Variants in DYNC1LI2 observed in about 807,000 individuals in gnomAD.
The protein encoded by DYNC1LI2 is dynein cytoplasmic 1 light intermediate chain 2.
DYNC1LI2 carries 19 observed loss-of-function variants against 57.8 expected under a neutral mutation model. That is an observed-to-expected ratio of 0.33 (90% CI 0.23 to 0.48). The LOEUF is 0.48. Ranked by LOEUF, DYNC1LI2 falls within the 20% of genes least tolerant of loss-of-function variation. DYNC1LI2 has a pLI of 0.99. For missense variants in DYNC1LI2, 470 were observed against 604.2 expected (o/e 0.78, Z 2.33); for synonymous variants, 256 against 233.4 (o/e 1.10, Z -0.88).
rs759894387 is a variant in DYNC1LI2, at chr16:66,736,096, C to T, written c.678G>A (p.Pro226=). ...ACACCTTTGTGCACACCACCAACAC[C>T]GGGATCCCCAGGTTATGAGTCAGCA... ...DNVLTHNLGI[P]VLVVCTKCDA... The change falls in exon 5 of 13, where the codon CCG becomes CCA. Residue 226 remains proline, a synonymous_variant. Coordinates refer to ENST00000258198, the MANE Select transcript of DYNC1LI2 (RefSeq NM_006141.3). 9.3e-6 allele frequency: 15 copies of T among 1,613,958 alleles called. No homozygotes were observed. The African/African-American group carries it at 1.2e-4, about 13-fold the overall frequency.
At position 66,729,182 on chromosome 16, in the gene DYNC1LI2, G is replaced by C; in HGVS notation, c.1042-83C>G. The C allele has an allele frequency of 2.0e-6, 3 of 1,486,824 alleles. No individual in the cohort carries two copies. In the South Asian group the frequency reaches 3.4e-5, roughly 17 times the overall value. The allele number at this position is 1,486,824 out of a possible 1,614,324, so 92.1% of individuals were successfully genotyped here. On this transcript the variant is annotated intron_variant, in intron 8 of 12. Transcript: ENST00000258198. ...AAACTTCATGCCGAAAGGAGAGTCC[G>C]AGGCTCAGGCTTCAACACAGGTCTG...
At chr16:66,750,167 C>T (rs2018016744) in intron 2 of DYNC1LI2, among the ~76,000 whole-genome samples, 1 of 152,190 alleles carries the variant, frequency 6.6e-6, no homozygotes, top group Non-Finnish European at 1.5e-5. Context: ...TGTCCCTCTG[C>T]AGGCAGCGTT....
chr16:66,724,539 A>C (rs2017502952), intron 12 of DYNC1LI2: 1 of 152,188 alleles, frequency 6.6e-6, no homozygotes. Flanking sequence ...CCTTATAGCC[A>C]ATGGAAAATG....
rs544624180 is a variant in DYNC1LI2, at chr16:66,751,605, G to C, written c.-14C>G. 3 of 1,567,428 alleles carry C rather than the reference G, an allele frequency of 1.9e-6. No homozygotes were observed. In the African/African-American group the frequency reaches 4.3e-5, roughly 22 times the overall value. On this transcript the variant is annotated 5_prime_UTR_variant, in exon 1 of 13. Coordinates refer to ENST00000258198, the MANE Select transcript of DYNC1LI2 (RefSeq NM_006141.3). This position sits in a 1 kb window ranked among gnomAD's most constrained non-coding sequence, Gnocchi z 5.2. ...CACCGGCGCCATCTTGCCAACTGCA[G>C]CCACAAAGAGGGCCCTCCCCCGGGC...
chr16:66,723,192 G>A lies in DYNC1LI2; in HGVS notation c.*530C>T, dbSNP rs180675837. On this transcript the variant is annotated 3_prime_UTR_variant, in exon 13 of 13. Transcript: ENST00000258198. ...AATGATTCTTCAACTTCTACTGAAT[G>A]CACAGTATTTACTGACACTGCTCAT... 3.8e-5 allele frequency: 14 copies of A among 367,270 alleles called. No individual in the cohort carries two copies. Among genetic ancestry groups the A allele is most frequent in the Admixed American group, 3.0e-4 (9 of 30,388 alleles). The allele number at this position is 367,270 out of a possible 1,614,324, so 22.8% of individuals were successfully genotyped here.
Position 66,725,835 on chromosome 16 carries a change from C to A in DYNC1LI2, c.1371G>T (p.Lys457Asn). 6.2e-7 allele frequency: 1 copy of A among 1,613,616 alleles called. No individual in the cohort carries two copies. Among genetic ancestry groups the A allele is most frequent in the Non-Finnish European group, 8.5e-7 (1 of 1,179,822 alleles). The change falls in exon 12 of 13, where the codon AAG (lysine) becomes AAT (asparagine). Residue 457 changes from lysine (K) to asparagine (N), a missense_variant. Coordinates refer to ENST00000258198, the MANE Select transcript of DYNC1LI2 (RefSeq NM_006141.3). ...PGAGGVQSTA[K>N]KSGQKTVLSN... Reference sequence around the variant, plus strand: ...TCCAGGGCCCTTCTGTACCTGACTTCTTGGCTGTGCTCTGCACCCCACCAG... The same window carrying A: ...TCCAGGGCCCTTCTGTACCTGACTTATTGGCTGTGCTCTGCACCCCACCAG...
chr16:66,737,891 G>T (rs979536745), intron 4 of DYNC1LI2, among the ~76,000 whole-genome samples: 2 of 152,190 alleles, frequency 1.3e-5, no homozygotes, highest in Non-Finnish European at 2.9e-5. Context: ...AACAAAAAAT[G>T]CAACAGTTAA....
chr16:66,725,798 G>T, intron 12 of DYNC1LI2, 30 bp downstream of exon 12: 2 of 1,603,534 alleles, frequency 1.2e-6, no homozygotes, highest in Non-Finnish European at 1.7e-6. Context: ...TCAACCACAA[G>T]AGTCACAAGT....
chr16:66,751,369 G>A lies in DYNC1LI2; in HGVS notation c.108-23C>T, dbSNP rs1452144186. On this transcript the variant is annotated intron_variant, in intron 1 of 12. Coordinates refer to ENST00000258198, the MANE Select transcript of DYNC1LI2 (RefSeq NM_006141.3). The surrounding 1 kb of genome is among the most constrained non-coding windows in gnomAD (Gnocchi z 5.2). ...GACCTGTGGCGACAATGGCAAGAGT[G>A]GTCAGCCCCGGGCCGGGCTGGGATG... 1.9e-6 allele frequency: 3 copies of A among 1,609,432 alleles called. No individual in the cohort carries two copies. Among genetic ancestry groups the A allele is most frequent in the Admixed American group, 3.3e-5 (2 of 59,812 alleles).
At chr16:66,737,694 T>C (rs771392910) in intron 4 of DYNC1LI2, among the ~76,000 whole-genome samples, 5 of 152,162 alleles carry the variant, frequency 3.3e-5, no homozygotes, top group African/African-American at 4.8e-5. Flanking sequence ...TCACGGCCTA[T>C]TCCTGCCTAA....
Position 66,723,488 on chromosome 16 carries a change from G to A in DYNC1LI2, c.*234C>T, listed in dbSNP as rs1366987729. On this transcript the variant is annotated 3_prime_UTR_variant, in exon 13 of 13. Transcript: ENST00000258198. The stretch of plus-strand genomic sequence containing the variant: ...CCAGATGTGCTTGCCTCCCACAAAA[G>A]AGCCACATGCCCCAGAGTCCAAGGG... 1 of 610,052 alleles carries A rather than the reference G, an allele frequency of 1.6e-6. No individual in the cohort carries two copies. The highest frequency in any genetic ancestry group is 3.5e-5 in the East Asian group (1 of 28,266). The allele number at this position is 610,052 out of a possible 1,614,324, so 37.8% of individuals were successfully genotyped here.
intron 5 of DYNC1LI2, among the ~76,000 whole-genome samples, chr16:66,735,871 C>CCTAGGG (rs1266580341): frequency 6.6e-6 from 1 of 152,172 alleles, no homozygotes; most frequent in Non-Finnish European, 1.5e-5. Flanking sequence ...AGGCCATGAG[C>CCTAGGG]AAACTGACTA....
chr16:66,728,159 C>T (rs2017569070), intron 10 of DYNC1LI2, 42 bp downstream of exon 10: 1 of 1,612,866 alleles, frequency 6.2e-7, no homozygotes, highest in East Asian at 2.2e-5. Flanking sequence ...ATGACACCCA[C>T]AACACTGGGC....
In DYNC1LI2 at chr16:66,729,062, T is replaced by A. The variant is rs780262679; in HGVS notation, c.1079A>T (p.Gln360Leu). ...HDKELAAEDE[Q>L]VFLMKQQSLL... Reference sequence around the variant, plus strand: ...TACCTGTTGCTTCATTAGGAACACCTGCTCATCTTCTGCTGCCAACTCTTT... The same window carrying A: ...TACCTGTTGCTTCATTAGGAACACCAGCTCATCTTCTGCTGCCAACTCTTT... Residue 360 changes from glutamine to leucine, a missense_variant, in exon 9 of 13, where the codon CAG becomes CTG. By Grantham distance (113) the Gln-to-Leu change is moderately radical. Transcript: ENST00000258198. 1 of 1,614,228 alleles carries A rather than the reference T, an allele frequency of 6.2e-7. No homozygotes were observed. Among genetic ancestry groups the A allele is most frequent in the Non-Finnish European group, 8.5e-7 (1 of 1,180,046 alleles).
chr16:66,747,867 G>T (rs904667025), intron 3 of DYNC1LI2, among the ~76,000 whole-genome samples: 6 of 152,116 alleles, frequency 3.9e-5, no homozygotes, highest in Non-Finnish European at 8.8e-5. Flanking sequence ...CACCACGCCT[G>T]CCCTAAAGAA....
intron 8 of DYNC1LI2, 103 bp downstream of exon 8, chr16:66,730,009 G>T: frequency 1.1e-6 from 1 of 896,054 alleles, no homozygotes; most frequent in Non-Finnish European, 1.7e-6. Flanking sequence ...TCAAACTCCT[G>T]ACCTCATGTG....
chr16:66,724,379 A>G lies in DYNC1LI2; in HGVS notation c.1379-557T>C, dbSNP rs1283265400. 3.3e-5 allele frequency among the ~76,000 whole-genome samples: 5 copies of G among 152,304 alleles called. No individual in the cohort carries two copies. In the East Asian group the frequency reaches 9.6e-4, roughly 29 times the overall value. ...ATAGACACCTATTTCCCAGAAGGGA[A>G]TACTACCAGCCCAGAGTCTGGGCCA... On this transcript the variant is annotated intron_variant, in intron 12 of 12. Coordinates refer to ENST00000258198, the MANE Select transcript of DYNC1LI2 (RefSeq NM_006141.3).
chr16:66,741,032 CT>C (rs1380341407), intron 4 of DYNC1LI2, among the ~76,000 whole-genome samples: 1 of 152,136 alleles, frequency 6.6e-6, no homozygotes, highest in African/African-American at 2.4e-5. Flanking sequence ...AGAAGCAGGC[CT>C]TTTATTTACT....
intron 2 of DYNC1LI2, among the ~76,000 whole-genome samples, chr16:66,750,288 G>T (rs550927347): frequency 6.6e-6 from 1 of 152,302 alleles, no homozygotes; most frequent in Admixed American, 6.5e-5. Context: ...CATTCTAACA[G>T]TAGGAAAACT....
Sources: gnomAD v4.1 joint callset for allele counts (sites outside exome capture counted in the v4.1 genomes callset) on GRCh38, gnomAD v4.1.1 for gene constraint, Gnocchi (gnomAD v3.1) non-coding constraint, MANE v1.5 for transcripts, NCBI Gene and HGNC (gene_info 2026-07-23, HGNC 2026-07-21) for gene names.